PCDH9: variants seen among roughly 807,000 people sequenced by gnomAD.
PCDH9 encodes the protein protocadherin-9.
PCDH9 carries 24 observed loss-of-function variants against 70.6 expected under a neutral mutation model. The ratio of observed to expected loss-of-function variants is 0.34; its 90% CI spans 0.25 to 0.48. The LOEUF (loss-of-function observed/expected upper bound fraction) is 0.48, where lower values mean the gene tolerates loss of function less well. Among genes scored for constraint, PCDH9 ranks in the 20% least tolerant of loss-of-function variants. The pLI is 0.99. For missense variants in PCDH9, 1,281 were observed against 1,503.6 expected (o/e 0.85, Z 2.45); for synonymous variants, 562 against 558.5 (o/e 1.01, Z -0.09).
intron 3 of PCDH9, among the ~76,000 whole-genome samples, chr13:66,749,785 A>G (rs2079428908): frequency 6.6e-6 from 1 of 152,196 alleles, no homozygotes; most frequent in Non-Finnish European, 1.5e-5. Context: ...CTTTAGGAAT[A>G]GGATGAACTG....
rs1322008123 is a variant in PCDH9 at position 66,487,218 on chromosome 13, T to C, written c.3340+143992A>G. Among the ~76,000 whole-genome samples the C allele has an allele frequency of 2.0e-5, 3 of 152,226 alleles. No individual in the cohort carries two copies. In the South Asian group the frequency reaches 6.2e-4, roughly 31 times the overall value. On this transcript the variant is annotated intron_variant, in intron 4 of 4. Transcript: ENST00000377865. ...ATTGTGAATCAAGCCGTACTTTGAA[T>C]AGGTAAATAATATAGGCTCTCAATA...
At chr13:66,676,434 C>A (rs1255517650) in intron 3 of PCDH9, among the ~76,000 whole-genome samples, 1 of 151,968 alleles carries the variant, frequency 6.6e-6, no homozygotes, top group Non-Finnish European at 1.5e-5. Flanking sequence ...TTCTTTCAAA[C>A]ACTGCAAAGA....
chr13:66,988,376 C>T (rs541035938), intron 2 of PCDH9, among the ~76,000 whole-genome samples: 2 of 151,990 alleles, frequency 1.3e-5, no homozygotes, highest in Non-Finnish European at 2.9e-5. Flanking sequence ...TCCTTTTCTA[C>T]TCTCAGAACT....
intron 4 of PCDH9, among the ~76,000 whole-genome samples, chr13:66,498,317 G>T (rs1199538959): frequency 6.6e-6 from 1 of 151,832 alleles, no homozygotes; most frequent in African/African-American, 2.4e-5. Context: ...CCTAATTTTT[G>T]TGTTTTTAGT....
intron 2 of PCDH9, among the ~76,000 whole-genome samples, chr13:67,055,806 C>A (rs2085407846): frequency 6.6e-6 from 1 of 151,908 alleles, no homozygotes; most frequent in African/African-American, 2.4e-5. Context: ...CCAAAAAAAA[C>A]CCTTAAAAAC....
At chr13:66,865,703 G>A (rs796969334) in intron 3 of PCDH9, among the ~76,000 whole-genome samples, 14 of 152,278 alleles carry the variant, frequency 9.2e-5, no homozygotes, top group African/African-American at 2.9e-4. Context: ...CGCTTCCTTC[G>A]CACTGTCCTA....
At chr13:66,882,535 C>T (rs2081938944) in intron 3 of PCDH9, among the ~76,000 whole-genome samples, 2 of 151,886 alleles carry the variant, frequency 1.3e-5, no homozygotes, top group South Asian at 2.1e-4. Flanking sequence ...TGTATTTATA[C>T]TTTAATTCCA....
chr13:66,437,223 C>T (rs531692953), intron 4 of PCDH9, among the ~76,000 whole-genome samples: 31 of 151,360 alleles, frequency 2.0e-4, no homozygotes, highest in South Asian at 1.0e-3. Flanking sequence ...CTGGCTAACA[C>T]GGTGAAACCC....
At chr13:66,682,280 T>G (rs1303044285) in intron 3 of PCDH9, among the ~76,000 whole-genome samples, 5 of 151,974 alleles carry the variant, frequency 3.3e-5, no homozygotes, top group African/African-American at 1.2e-4. Flanking sequence ...ACATAAAATT[T>G]TTGTGTCACT....
At position 66,606,298 on chromosome 13, in the gene PCDH9, C is replaced by A. The variant is rs540677032; in HGVS notation, c.3340+24912G>T. Among the ~76,000 whole-genome samples, 13 of 152,196 alleles carry A rather than the reference C, an allele frequency of 8.5e-5. No individual in the cohort carries two copies. The South Asian group carries it at 2.7e-3, about 32-fold the overall frequency. On this transcript the variant is annotated intron_variant, in intron 4 of 4. Coordinates refer to ENST00000377865, the MANE Select transcript of PCDH9 (RefSeq NM_203487.3). ...ATTTCTAATGTCATTATAGTGAGTACTTTTAACCGTGCCTCCTGTGTGTAG... is the reference window on the plus strand; with the variant it reads ...ATTTCTAATGTCATTATAGTGAGTAATTTTAACCGTGCCTCCTGTGTGTAG...
chr13:67,142,124 A>G (rs370895064), intron 2 of PCDH9, among the ~76,000 whole-genome samples: 1 of 152,218 alleles, frequency 6.6e-6, no homozygotes, highest in Non-Finnish European at 1.5e-5. Flanking sequence ...TGGAAATATC[A>G]GAATATGCTC....
intron 3 of PCDH9, among the ~76,000 whole-genome samples, chr13:66,757,358 T>C (rs2079553212): frequency 1.3e-5 from 2 of 152,222 alleles, no homozygotes. Flanking sequence ...ACTCTTATTG[T>C]ATTCTTTAGG....
At chr13:66,624,609 C>T (rs2077474449) in intron 4 of PCDH9, among the ~76,000 whole-genome samples, 1 of 152,132 alleles carries the variant, frequency 6.6e-6, no homozygotes, top group African/African-American at 2.4e-5. Flanking sequence ...TTGCTAAGTT[C>T]CAGAGGGAAC....
At chr13:66,958,622 A>G (rs1260638826) in intron 2 of PCDH9, among the ~76,000 whole-genome samples, 30 of 152,226 alleles carry the variant, frequency 2.0e-4, no homozygotes, top group Non-Finnish European at 1.2e-4. Flanking sequence ...CTCTCTTAGA[A>G]GTACAACTAG....
At chr13:66,613,060 T>G (rs2077312104) in intron 4 of PCDH9, among the ~76,000 whole-genome samples, 1 of 151,996 alleles carries the variant, frequency 6.6e-6, no homozygotes, top group South Asian at 2.1e-4. Flanking sequence ...CTTCTGAGGG[T>G]GGGGGAAACC....
At chr13:66,458,420 T>G (rs920477771) in intron 4 of PCDH9, among the ~76,000 whole-genome samples, 3 of 152,086 alleles carry the variant, frequency 2.0e-5, no homozygotes, top group Non-Finnish European at 4.4e-5. Context: ...TATTGGATTC[T>G]TAGGTTCTTA....
intron 3 of PCDH9, among the ~76,000 whole-genome samples, chr13:66,807,913 T>C (rs887356450): frequency 1.3e-5 from 2 of 152,148 alleles, no homozygotes; most frequent in Non-Finnish European, 2.9e-5. Context: ...ATATACAGCA[T>C]TTCAGTATTT....
intron 3 of PCDH9, among the ~76,000 whole-genome samples, chr13:66,785,236 A>G (rs1164836246): frequency 6.6e-6 from 1 of 152,040 alleles, no homozygotes; most frequent in Non-Finnish European, 1.5e-5. Context: ...ATGTTTCACT[A>G]AAATAAGCCA....
At chr13:67,062,274 C>T (rs1048519971) in intron 2 of PCDH9, among the ~76,000 whole-genome samples, 3 of 152,172 alleles carry the variant, frequency 2.0e-5, no homozygotes. Context: ...CACATTTAAG[C>T]TTGTGACCTG....
Sources: allele counts gnomAD v4.1 joint callset (sites outside exome capture counted in the v4.1 genomes callset), GRCh38; gene constraint gnomAD v4.1.1; transcripts MANE v1.5; gene names NCBI Gene and HGNC (gene_info 2026-07-23, HGNC 2026-07-21).